MORC1: variants seen among roughly 807,000 people sequenced by gnomAD.
The protein encoded by MORC1 is MORC family CW-type zinc finger protein 1.
A neutral mutation model predicts 134.9 loss-of-function variants in MORC1; 59 were observed. That is an observed-to-expected ratio of 0.44 (90% confidence interval 0.35 to 0.54). The LOEUF (loss-of-function observed/expected upper bound fraction) is 0.54. Among genes scored for constraint, MORC1 ranks in the 20% least tolerant of loss-of-function variants. MORC1 has a pLI of 0.00. For synonymous variants in MORC1, 395 were observed against 391.7 expected (o/e 1.01, Z -0.10); for missense variants, 947 against 1,134.5 (o/e 0.83, Z 2.37).
In MORC1 at chr3:109,037,270, G is replaced by A. The variant is rs183973161; in HGVS notation, c.1331-1802C>T. On this transcript the variant is annotated intron_variant, in intron 14 of 27. Transcript: ENST00000232603. ...ACTGGATTTGTCAGCCTCTTTCTTC[G>A]GCCTCTCAGCTTCCTTAGCCTTTGA... 5.5e-4 allele frequency among the ~76,000 whole-genome samples: 84 copies of A among 152,126 alleles called. 1 individual carries two copies. The highest frequency in any genetic ancestry group is 1.4e-3 in the Admixed American group (21 of 15,266).
chr3:109,040,997 A>C (rs532474721), intron 14 of MORC1, among the ~76,000 whole-genome samples: 1 of 152,052 alleles, frequency 6.6e-6, no homozygotes, highest in Admixed American at 6.5e-5. Context: ...AGAGGGATAC[A>C]GAGTCAGATT....
Position 109,054,175 on chromosome 3 carries a change from G to A in MORC1, c.1330+553C>T, listed in dbSNP as rs550876786. 1.9e-3 allele frequency among the ~76,000 whole-genome samples: 286 copies of A among 152,030 alleles called. 3 individuals are homozygous for A. Among genetic ancestry groups the A allele is most frequent in the African/African-American group, 6.1e-3 (251 of 41,470 alleles). The stretch of plus-strand genomic sequence containing the variant: ...CAGGTGCCTGTAATCCCAGCCACTC[G>A]GGAGGCTGAGGCAGAGAATTGCTTG... On this transcript the variant is annotated intron_variant, in intron 14 of 27. Transcript: ENST00000232603.
At chr3:109,074,384 A>AAC (rs1338265658) in intron 8 of MORC1, among the ~76,000 whole-genome samples, 3 of 152,224 alleles carry the variant, frequency 2.0e-5, no homozygotes, top group Non-Finnish European at 4.4e-5. Flanking sequence ...CACTGAAAGC[A>AAC]ACATGAGCAC....
At chr3:108,960,377 G>T (rs1024143105) in intron 27 of MORC1, among the ~76,000 whole-genome samples, 1 of 152,114 alleles carries the variant, frequency 6.6e-6, no homozygotes, top group African/African-American at 2.4e-5. Context: ...TAGACAAATG[G>T]GATCACGATC....
intron 3 of MORC1, among the ~76,000 whole-genome samples, chr3:109,106,374 T>A (rs964627096): frequency 6.6e-6 from 1 of 152,224 alleles, no homozygotes; most frequent in Non-Finnish European, 1.5e-5. Flanking sequence ...TCTCCTTTTT[T>A]TGTAAATCCA....
intron 18 of MORC1, 104 bp from the exon 19 acceptor site, chr3:109,005,419 A>G (rs1418569062): frequency 1.8e-6 from 2 of 1,099,658 alleles, no homozygotes; most frequent in Admixed American, 7.0e-5. Flanking sequence ...TCTTATTACT[A>G]CTAAAAAGTT....
intron 17 of MORC1, among the ~76,000 whole-genome samples, chr3:109,027,180 T>G (rs1949096992): frequency 6.6e-6 from 1 of 152,250 alleles, no homozygotes; most frequent in Non-Finnish European, 1.5e-5. Flanking sequence ...TATAGAGGTT[T>G]AATTATTAGT....
chr3:109,105,784 T>C (rs1326024696), intron 3 of MORC1, among the ~76,000 whole-genome samples: 5 of 152,196 alleles, frequency 3.3e-5, no homozygotes, highest in Admixed American at 6.5e-5. Flanking sequence ...CTTTCTGGGT[T>C]TATAATTTCA....
At chr3:109,079,806 A>C (rs540687450) in intron 8 of MORC1, among the ~76,000 whole-genome samples, 2 of 152,298 alleles carry the variant, frequency 1.3e-5, no homozygotes, top group African/African-American at 4.8e-5. Flanking sequence ...ACAGGCAAAC[A>C]TCAATGGTTT....
rs759847591 is a variant in MORC1 at position 109,117,944 on chromosome 3, C to G, written c.65+51G>C. 1.1e-4 allele frequency: 165 copies of G among 1,460,404 alleles called. 2 individuals carry two copies. The South Asian group carries it at 2.0e-3, about 17-fold the overall frequency. The allele number at this position is 1,460,404 out of a possible 1,614,324, so 90.5% of individuals were successfully genotyped here. On this transcript the variant is annotated intron_variant, in intron 1 of 27. Coordinates refer to ENST00000232603, the MANE Select transcript of MORC1 (RefSeq NM_014429.4). ...TCAGGGGACGGGCAAAACCTTTCTT[C>G]ATGGCGGGCGCAGAGACCCTCCCCG...
chr3:109,005,160 C>G lies in MORC1; in HGVS notation c.1923G>C (p.Met641Ile). Residue 641 changes from methionine (M) to isoleucine (I), a missense_variant, in exon 19 of 28, where the codon ATG becomes ATC. Around this residue, in one of 3 missense-constraint regions of MORC1, gnomAD observed 722 missense variants for 817.0 expected, o/e 0.88. Coordinates refer to ENST00000232603, the MANE Select transcript of MORC1 (RefSeq NM_014429.4). ...TCATTTTCTCCTCCATAGACTTTTT[C>G]ATAATTTTTGTTTCTGAAATATACT... ...DVEYISETKIMKKSMEEKMNS... is the reference protein window; with the variant it reads ...DVEYISETKIIKKSMEEKMNS... The G allele has an allele frequency of 6.2e-7, 1 of 1,613,856 alleles. No individual in the cohort carries two copies. The highest frequency in any genetic ancestry group is 1.3e-5 in the African/African-American group (1 of 75,008).
At chr3:109,005,841 C>G (rs964505731) in intron 18 of MORC1, among the ~76,000 whole-genome samples, 1 of 152,152 alleles carries the variant, frequency 6.6e-6, no homozygotes, top group Non-Finnish European at 1.5e-5. Flanking sequence ...CTCTAGTTAT[C>G]CTAAGCATAT....
At chr3:109,065,636 T>C (rs1232317374) in intron 9 of MORC1, among the ~76,000 whole-genome samples, 1 of 152,226 alleles carries the variant, frequency 6.6e-6, no homozygotes, top group African/African-American at 2.4e-5. Context: ...TCAGCCATTA[T>C]GTCATGAAAA....
intron 14 of MORC1, among the ~76,000 whole-genome samples, chr3:109,041,077 C>G (rs1173880659): frequency 3.3e-5 from 5 of 151,472 alleles, no homozygotes; most frequent in African/African-American, 4.9e-5. Context: ...TTTGGGAGGC[C>G]AAGGTGGGTG....
At chr3:109,025,251 A>T (rs903060798) in intron 17 of MORC1, among the ~76,000 whole-genome samples, 1 of 152,082 alleles carries the variant, frequency 6.6e-6, no homozygotes, top group Non-Finnish European at 1.5e-5. Flanking sequence ...TTCAGCTCCA[A>T]GTGTTCCTTT....
intron 16 of MORC1, among the ~76,000 whole-genome samples, chr3:109,031,301 G>C (rs2094559520): frequency 6.6e-6 from 1 of 152,184 alleles, no homozygotes; most frequent in African/African-American, 2.4e-5. Flanking sequence ...GCTGGATCCA[G>C]AGAAGATGCA....
chr3:109,081,798 C>T (rs114883803), intron 8 of MORC1, among the ~76,000 whole-genome samples: 2,284 of 152,180 alleles, frequency 0.015, 51 homozygotes, highest in African/African-American at 0.052. Context: ...CCCAATCTGC[C>T]CATCTTCTAA....
In MORC1 at chr3:109,042,279, G is replaced by T. The variant is rs190251809; in HGVS notation, c.1331-6811C>A. On this transcript the variant is annotated intron_variant, in intron 14 of 27. Coordinates refer to ENST00000232603, the MANE Select transcript of MORC1 (RefSeq NM_014429.4). ...TATACACAAAAGAACTTAAAGCAGG[G>T]TCTCAATTTTCAAAAGAAGACATAT... 7.6e-4 allele frequency among the ~76,000 whole-genome samples: 115 copies of T among 152,192 alleles called. No homozygotes were observed. The Middle Eastern group carries it at 0.014, about 18-fold the overall frequency.
rs572532200 is a variant in MORC1 at position 108,963,069 on chromosome 3, T to C, written c.2799+345A>G. 2.6e-5 allele frequency among the ~76,000 whole-genome samples: 4 copies of C among 151,986 alleles called. No individual in the cohort carries two copies. In the South Asian group the frequency reaches 8.3e-4, roughly 32 times the overall value. ...GATACAAAAGAATGTGTGCCTGTAG[T>C]TCCAGCTACTCGGAAGGCTGAGGCA... is the stretch of plus-strand genomic sequence containing the variant. On this transcript the variant is annotated intron_variant, in intron 27 of 27. Coordinates refer to ENST00000232603, the MANE Select transcript of MORC1 (RefSeq NM_014429.4).
Sources: gnomAD v4.1 joint callset for allele counts (sites outside exome capture counted in the v4.1 genomes callset) on GRCh38, gnomAD v4.1.1 for gene constraint, gnomAD v4.1.1 regional missense constraint, MANE v1.5 for transcripts, NCBI Gene and HGNC (gene_info 2026-07-23, HGNC 2026-07-21) for gene names.